Variants in INPP5K observed in about 807,000 individuals in gnomAD.
INPP5K encodes inositol polyphosphate-5-phosphatase K.
A neutral mutation model predicts 53.5 loss-of-function variants in INPP5K; 35 were observed. That is an observed-to-expected ratio of 0.65 (90% confidence interval 0.50 to 0.87). The LOEUF is 0.87. INPP5K is among the 40% of genes least tolerant of loss of function. The pLI, the probability that INPP5K is intolerant of heterozygous loss-of-function variation, is 0.00. For missense variants in INPP5K, 550 were observed against 586.2 expected, an observed-to-expected ratio of 0.94 and a Z score of 0.64; for synonymous variants, 253 against 232.8, an observed-to-expected ratio of 1.09 and a Z score of -0.79.
intron 3 of INPP5K, among the ~76,000 whole-genome samples, chr17:1,512,277 G>C (rs1245708210): frequency 6.6e-6 from 1 of 152,218 alleles, no homozygotes; most frequent in Admixed American, 6.5e-5. Flanking sequence ...GAGGCCTGCA[G>C]TCTTGGGAAG....
At chr17:1,498,336 A>C in intron 7 of INPP5K, 1 of 447,726 alleles carries the variant, frequency 2.2e-6, no homozygotes, top group Non-Finnish European at 4.0e-6. Flanking sequence ...AGACTTAGCC[A>C]GGACCCTCTG....
chr17:1,509,250 A>G lies in INPP5K; in HGVS notation c.482T>C (p.Leu161Pro). The change falls in exon 5 of 12, where the codon CTG becomes CCG. Residue 161 changes from leucine (L) to proline (P), a missense_variant. Physicochemically the swap from Leu to Pro is moderately conservative, Grantham distance 98 (BLOSUM62 -3). Coordinates refer to ENST00000421807, the MANE Select transcript of INPP5K (RefSeq NM_016532.4). Reference sequence around the variant, plus strand: ...CTCCAGGATCCGGTCAAAGTGCTCCAGCCGCTGGTAATTGTTGGAAATGTG... The same window carrying G: ...CTCCAGGATCCGGTCAAAGTGCTCCGGCCGCTGGTAATTGTTGGAAATGTG... The part of the protein sequence containing the change: ...PPHISNNYQR[L>P]EHFDRILEMQ... The G allele has an allele frequency of 6.2e-7, 1 of 1,614,104 alleles. No homozygotes were observed. Among genetic ancestry groups the G allele is most frequent in the Non-Finnish European group, 8.5e-7 (1 of 1,180,018 alleles).
At chr17:1,513,632 C>A (rs2075361056) in intron 2 of INPP5K, 71 bp from the exon 3 acceptor site, 1 of 1,342,570 alleles carries the variant, frequency 7.4e-7, no homozygotes, top group South Asian at 1.2e-5. Context: ...TATTTGATAC[C>A]ATCTTCACGG....
chr17:1,505,533 G>A (rs531738412), intron 7 of INPP5K, among the ~76,000 whole-genome samples: 1 of 152,190 alleles, frequency 6.6e-6, no homozygotes, highest in Admixed American at 6.5e-5. Context: ...TGTTGCCCAG[G>A]GCGGGTCCCT....
chr17:1,503,326 G>T (rs949049442), intron 7 of INPP5K, among the ~76,000 whole-genome samples: 1 of 151,784 alleles, frequency 6.6e-6, no homozygotes, highest in Non-Finnish European at 1.5e-5. Flanking sequence ...TGGGACTACA[G>T]GTGCCCGCCA....
In INPP5K at chr17:1,496,391, C is replaced by T. The variant is rs755810408; in HGVS notation, c.1113G>A (p.Arg371=). 4.8e-5 allele frequency: 75 copies of T among 1,560,964 alleles called. 1 individual carries two copies. In the South Asian group the frequency reaches 8.4e-4, roughly 17 times the overall value. ...DWIGLYKVGL[R]DVNDYVSYAW... is the part of the protein sequence containing the mutation. Reference sequence around the variant, plus strand: ...CATAGGACACGTAGTCATTAACGTCCCGCAGCCCCACCTGTGAGGGGGAGT... The same window carrying T: ...CATAGGACACGTAGTCATTAACGTCTCGCAGCCCCACCTGTGAGGGGGAGT... The change falls in exon 10 of 12, where the codon CGG becomes CGA. Residue 371 remains arginine (R), a synonymous_variant. Transcript: ENST00000421807.
At position 1,513,899 on chromosome 17, in the gene INPP5K, T is replaced by C. The variant is rs747629468; in HGVS notation, c.125A>G (p.Asn42Ser). 6.2e-7 allele frequency: 1 copy of C among 1,613,154 alleles called. No homozygotes were observed. The highest frequency in any genetic ancestry group is 8.5e-7 in the Non-Finnish European group (1 of 1,179,460). The change falls in exon 2 of 12, where the codon AAC becomes AGC. Residue 42 changes from asparagine (N) to serine (S), a missense_variant. By Grantham distance (46) the Asn-to-Ser change is conservative. Transcript: ENST00000421807. Reference sequence around the variant, plus strand: ...AATAACATATATGTCAAGATTGAGGTTCCGGTTGTTCAGCTGAAGCAGGTC... The same window carrying C: ...AATAACATATATGTCAAGATTGAGGCTCCGGTTGTTCAGCTGAAGCAGGTC... ...LSDLLQLNNRNLNLDIYVIGL... is the reference protein window; with the variant it reads ...LSDLLQLNNRSLNLDIYVIGL...
At chr17:1,503,657 G>A (rs1341946832) in intron 7 of INPP5K, among the ~76,000 whole-genome samples, 1 of 152,064 alleles carries the variant, frequency 6.6e-6, no homozygotes, top group African/African-American at 2.4e-5. Context: ...GGCGGACGTT[G>A]CAGTGAGCCA....
At chr17:1,515,931 T>C (rs2075423875) in intron 1 of INPP5K, 1 of 987,434 alleles carries the variant, frequency 1.0e-6, no homozygotes, top group African/African-American at 1.7e-5. Context: ...TTGTTCCCAC[T>C]CTCAAATCCG....
chr17:1,513,397 G>C, intron 3 of INPP5K, 56 bp downstream of exon 3: 1 of 1,282,958 alleles, frequency 7.8e-7, no homozygotes, highest in Admixed American at 1.7e-5. Flanking sequence ...CAACAAGCAG[G>C]GGTCAGTGGA....
At chr17:1,501,877 A>ACACG (rs1423844451) in intron 7 of INPP5K, among the ~76,000 whole-genome samples, 1 of 150,968 alleles carries the variant, frequency 6.6e-6, no homozygotes, top group African/African-American at 2.4e-5. Context: ...ACACACACAC[A>ACACG]CACACAAATT....
chr17:1,506,307 G>T (rs2075153509), intron 7 of INPP5K, among the ~76,000 whole-genome samples: 1 of 152,188 alleles, frequency 6.6e-6, no homozygotes. Flanking sequence ...TTACAGGTGT[G>T]AGCCACCGCG....
At chr17:1,502,335 C>T (rs559608952) in intron 7 of INPP5K, among the ~76,000 whole-genome samples, 7 of 152,234 alleles carry the variant, frequency 4.6e-5, no homozygotes, top group African/African-American at 1.2e-4. Flanking sequence ...GGCGACAGAG[C>T]GAGACTCCGT....
intron 3 of INPP5K, 68 bp from the exon 4 acceptor site, chr17:1,509,867 C>T (rs925123607): frequency 3.8e-5 from 35 of 916,516 alleles, no homozygotes; most frequent in Middle Eastern, 2.3e-4. Context: ...TTCCAAGCTC[C>T]GTGCTAGGGA....
At chr17:1,515,419 A>G in intron 1 of INPP5K, 1 of 985,434 alleles carries the variant, frequency 1.0e-6, no homozygotes, top group Middle Eastern at 5.2e-4. Context: ...CAGGAAAGAG[A>G]GACCTACAGA....
At chr17:1,507,588 T>G (rs112877133) in intron 6 of INPP5K, 7,639 of 156,346 alleles carry the variant, frequency 0.049, 235 homozygotes, top group Non-Finnish European at 0.072. Context: ...TTGCCCAGGC[T>G]GGAGTGCAAT....
Position 1,495,795 on chromosome 17 carries a change from T to A in INPP5K, c.*28A>T. On this transcript the variant is annotated 3_prime_UTR_variant, in exon 12 of 12. Coordinates refer to ENST00000421807, the MANE Select transcript of INPP5K (RefSeq NM_016532.4). ...GCAGAGCTGGCTGCCAGCTCTGGCCTCCGCCTGGGATTCACTCCCATCCTG... is the reference window on the plus strand; with the variant it reads ...GCAGAGCTGGCTGCCAGCTCTGGCCACCGCCTGGGATTCACTCCCATCCTG... 1 of 1,588,814 alleles carries A rather than the reference T, an allele frequency of 6.3e-7. No homozygotes were observed. The highest frequency in any genetic ancestry group is 8.6e-7 in the Non-Finnish European group (1 of 1,159,226).
chr17:1,501,582 G>C (rs76105532), intron 7 of INPP5K, among the ~76,000 whole-genome samples: 1 of 152,230 alleles, frequency 6.6e-6, no homozygotes, highest in Non-Finnish European at 1.5e-5. Flanking sequence ...TGGTCTGCCT[G>C]TTGGCTCCTT....
intron 6 of INPP5K, 135 bp from the exon 7 acceptor site, chr17:1,507,224 G>GC (rs2075180435): frequency 1.6e-6 from 1 of 638,458 alleles, no homozygotes; most frequent in Non-Finnish European, 2.8e-6. Flanking sequence ...ATTCCTCACT[G>GC]CCCCAGTGAC....
Sources: gnomAD v4.1 joint callset for allele counts (sites outside exome capture counted in the v4.1 genomes callset) on GRCh38, gnomAD v4.1.1 for gene constraint, MANE v1.5 for transcripts, NCBI Gene and HGNC (gene_info 2026-07-23, HGNC 2026-07-21) for gene names.